The following TIMD4 variants were observed in gnomAD, a reference collection of about 807,000 sequenced individuals.
TIMD4 encodes the protein T-cell immunoglobulin and mucin domain-containing protein 4.
In TIMD4, 31 loss-of-function variants were observed where a neutral mutation model predicts 41.2. The observed-to-expected ratio is 0.75, with a 90% confidence interval of 0.57 to 1.01. The LOEUF (loss-of-function observed/expected upper bound fraction) is 1.01. Ranked by LOEUF, TIMD4 falls within the 50% of genes least tolerant of loss-of-function variation. TIMD4 has a pLI of 0.00. For missense variants in TIMD4, 479 were observed against 472.5 expected (o/e 1.01, Z -0.13); for synonymous variants, 204 against 177.1 (o/e 1.15, Z -1.21).
intron 5 of TIMD4, 94 bp from the exon 6 acceptor site, chr5:156,926,406 G>T: frequency 8.2e-7 from 1 of 1,213,928 alleles, no homozygotes. Flanking sequence ...ATCTGGAACT[G>T]CAGCTGATGT....
intron 7 of TIMD4, among the ~76,000 whole-genome samples, chr5:156,921,724 C>T (rs1015762550): frequency 1.3e-5 from 2 of 151,264 alleles, no homozygotes; most frequent in Non-Finnish European, 2.9e-5. Flanking sequence ...CTAGGGTTTT[C>T]CCAACCAAAG....
At position 156,951,776 on chromosome 5, in the gene TIMD4, G is replaced by A. The variant is rs1759864350; in HGVS notation, c.415C>T (p.His139Tyr). The A allele has an allele frequency of 1.9e-6, 3 of 1,614,020 alleles. No individual in the cohort carries two copies. The East Asian group carries it at 6.7e-5, about 36-fold the overall frequency. Reference protein sequence around the residue: ...LNLQRASTTTHRTATTTTRRT... With the variant: ...LNLQRASTTTYRTATTTTRRT... ...CGTGTGGTGGTGGTTGCTGTTCTGT[G>A]CGTGGTTGTTGAGGCTGTAACCAAC... The change falls in exon 3 of 9, where the codon CAC becomes TAC. Residue 139 changes from histidine to tyrosine, a missense_variant. Transcript: ENST00000274532.
In TIMD4 at chr5:156,954,474, A is replaced by G; in HGVS notation, c.341T>C (p.Ile114Thr). ...ATCGTTGAACCAGCCAGGCACTTCT[A>G]TGCGGCAGCAGTACACACCGCTGTC... ...ESDSGVYCCR[I>T]EVPGWFNDVK... is the part of the protein sequence containing the mutation. Residue 114 changes from isoleucine (I) to threonine (T), a missense_variant, in exon 2 of 9, where the codon ATA (isoleucine) becomes ACA (threonine). Transcript: ENST00000274532. 1 of 1,614,228 alleles carries G rather than the reference A, an allele frequency of 6.2e-7. No individual in the cohort carries two copies. Among genetic ancestry groups the G allele is most frequent in the Non-Finnish European group, 8.5e-7 (1 of 1,180,052 alleles).
chr5:156,926,354 G>A lies in TIMD4; in HGVS notation c.845-42C>T, dbSNP rs1223199415. 1.9e-6 allele frequency: 3 copies of A among 1,603,346 alleles called. No individual in the cohort carries two copies. In the Admixed American group the frequency reaches 5.0e-5, roughly 27 times the overall value. On this transcript the variant is annotated intron_variant, in intron 5 of 8. Transcript: ENST00000274532. ...AAGAAAATGGTTATATGTCTGGTTGGGGAATAAAATATCACATCCTGAAAT... is the reference window on the plus strand; with the variant it reads ...AAGAAAATGGTTATATGTCTGGTTGAGGAATAAAATATCACATCCTGAAAT...
In TIMD4 at chr5:156,945,133, G is replaced by A. The variant is rs1243416178; in HGVS notation, c.844+3283C>T. On this transcript the variant is annotated intron_variant, in intron 5 of 8. Transcript: ENST00000274532. ...GGGTTGGAAGGGTTTTCATGTGAAT[G>A]AAGATGTAGTCTTATTCTGTAAGAG... Among the ~76,000 whole-genome samples, 4 of 152,342 alleles carry A rather than the reference G, an allele frequency of 2.6e-5. No homozygotes were observed. In the East Asian group the frequency reaches 7.7e-4, roughly 29 times the overall value.
intron 5 of TIMD4, among the ~76,000 whole-genome samples, chr5:156,940,993 T>C (rs1358963106): frequency 2.0e-5 from 3 of 152,250 alleles, no homozygotes; most frequent in Non-Finnish European, 4.4e-5. Context: ...TGCCTTGGGA[T>C]GCTGTTAATC....
chr5:156,948,006 A>G (rs918426918), intron 5 of TIMD4, among the ~76,000 whole-genome samples: 3 of 152,230 alleles, frequency 2.0e-5, no homozygotes, highest in Non-Finnish European at 4.4e-5. Flanking sequence ...CTAAGGAAGA[A>G]GGAAGATTTC....
rs28882740 is a variant in TIMD4, at chr5:156,961,751, C to T, written c.58+1390G>A. On this transcript the variant is annotated intron_variant, in intron 1 of 8. Coordinates refer to ENST00000274532, the MANE Select transcript of TIMD4 (RefSeq NM_138379.3). ...CCAGGAGGCAGAGCTTGCAGTGAGC[C>T]GAGATAGAGATAGTGCCACTGCAGT... Among the ~76,000 whole-genome samples the T allele has an allele frequency of 5.1e-3, 604 of 119,288 alleles. 1 individual carries two copies. The highest frequency in any genetic ancestry group is 0.018 in the African/African-American group (558 of 31,334). 78.3% of individuals were successfully genotyped at this position (119,288 alleles called of 152,430 possible).
intron 5 of TIMD4, among the ~76,000 whole-genome samples, chr5:156,932,838 T>C (rs572869538): frequency 5.9e-5 from 9 of 152,144 alleles, no homozygotes; most frequent in African/African-American, 1.9e-4. Flanking sequence ...ACCCTGTCTC[T>C]ACTAAAAATG....
intron 5 of TIMD4, among the ~76,000 whole-genome samples, chr5:156,944,494 T>C (rs886335517): frequency 8.5e-5 from 11 of 129,458 alleles, no homozygotes; most frequent in African/African-American, 2.9e-4. Flanking sequence ...AGCTGTGTGA[T>C]CTTTTTTTTT....
chr5:156,940,693 G>C (rs1224557873), intron 5 of TIMD4, among the ~76,000 whole-genome samples: 4 of 151,930 alleles, frequency 2.6e-5, no homozygotes, highest in South Asian at 2.1e-4. Flanking sequence ...CCCCGTATGA[G>C]AAGTGAGGAG....
chr5:156,932,677 G>A (rs1051401612), intron 5 of TIMD4, among the ~76,000 whole-genome samples: 12 of 152,280 alleles, frequency 7.9e-5, no homozygotes, highest in South Asian at 2.1e-4. Flanking sequence ...GCAAGTTCTC[G>A]TGAGACGAAA....
intron 5 of TIMD4, among the ~76,000 whole-genome samples, chr5:156,936,195 C>T (rs1759536895): frequency 6.6e-6 from 1 of 152,174 alleles, no homozygotes; most frequent in Admixed American, 6.5e-5. Flanking sequence ...GCCATGATCA[C>T]ACCACTGCAC....
intron 1 of TIMD4, among the ~76,000 whole-genome samples, chr5:156,957,519 A>AAAAAAAAAAG (rs893409205): frequency 6.6e-6 from 1 of 150,632 alleles, no homozygotes; most frequent in Non-Finnish European, 1.5e-5. Flanking sequence ...TCTCAAAAAA[A>AAAAAAAAAAG]AAAAAGAAAA....
At chr5:156,941,076 C>T (rs944890789) in intron 5 of TIMD4, among the ~76,000 whole-genome samples, 5 of 152,062 alleles carry the variant, frequency 3.3e-5, no homozygotes, top group African/African-American at 7.3e-5. Flanking sequence ...GGATTAAGGG[C>T]GGTGCAAGAT....
At chr5:156,932,604 G>T (rs923049961) in intron 5 of TIMD4, among the ~76,000 whole-genome samples, 2 of 152,184 alleles carry the variant, frequency 1.3e-5, no homozygotes, top group African/African-American at 2.4e-5. Flanking sequence ...CTATAGTTAG[G>T]TAAGATGTGA....
At chr5:156,948,223 G>A (rs2113378317) in intron 5 of TIMD4, among the ~76,000 whole-genome samples, 193 bp downstream of exon 5, 1 of 151,938 alleles carries the variant, frequency 6.6e-6, no homozygotes, top group Non-Finnish European at 1.5e-5. Context: ...CCCCAGGCCA[G>A]GCAAGCTGGC....
chr5:156,942,632 G>T (rs1759669384), intron 5 of TIMD4, among the ~76,000 whole-genome samples: 1 of 152,116 alleles, frequency 6.6e-6, no homozygotes, highest in African/African-American at 2.4e-5. Flanking sequence ...CACTAAGTAG[G>T]GCTTCTTTGG....
chr5:156,938,754 A>G (rs1012981443), intron 5 of TIMD4, among the ~76,000 whole-genome samples: 1 of 152,100 alleles, frequency 6.6e-6, no homozygotes, highest in Non-Finnish European at 1.5e-5. Flanking sequence ...GCAATTGCTC[A>G]TTTTGGGATT....
Sources: allele counts gnomAD v4.1 joint callset (sites outside exome capture counted in the v4.1 genomes callset), GRCh38; gene constraint gnomAD v4.1.1; transcripts MANE v1.5; gene names NCBI Gene and HGNC (gene_info 2026-07-23, HGNC 2026-07-21).